BBIP1: variants seen among roughly 807,000 people sequenced by gnomAD.
The protein encoded by BBIP1 is BBSome-interacting protein 1.
Under a neutral mutation model 8.9 loss-of-function variants are expected in BBIP1, and 6 were observed. That is an observed-to-expected ratio of 0.67 (90% CI 0.37 to 1.33). The LOEUF is 1.33. BBIP1 is among the 40% of genes most tolerant of loss of function. BBIP1 has a pLI of 0.02. For synonymous variants in BBIP1, 32 were observed against 33.4 expected (o/e 0.96, Z 0.14); for missense variants, 111 against 109.2 (o/e 1.02, Z -0.07).
rs760064445 is a variant in BBIP1, at chr10:110,907,683, G to A, written c.38-6071C>T. On this transcript the variant is annotated intron_variant, in intron 2 of 3. Transcript: ENST00000448814. ...CTGAAAAGTGATTGTTCTTAACCTC[G>A]CTTGCTTGTATACCCCTCCGATTGT... 16 of 680,878 alleles carry A rather than the reference G, an allele frequency of 2.3e-5. No individual in the cohort carries two copies. The highest frequency in any genetic ancestry group is 4.5e-5 in the Admixed American group (2 of 44,462). 42.2% of individuals were successfully genotyped at this position (680,878 alleles called of 1,614,324 possible).
intron 2 of BBIP1, chr10:110,911,989 G>A (rs1564693768): frequency 6.6e-6 from 1 of 152,140 alleles, no homozygotes; most frequent in Non-Finnish European, 1.5e-5. Flanking sequence ...CCTTACAAAG[G>A]AGGGTGAAAA....
rs1590753022 is a variant in BBIP1 at position 110,907,919 on chromosome 10, C to G, written c.38-6307G>C. 1.3e-5 allele frequency: 8 copies of G among 594,704 alleles called. No individual in the cohort carries two copies. The East Asian group carries it at 2.3e-4, about 17-fold the overall frequency. 36.8% of individuals were successfully genotyped at this position (594,704 alleles called of 1,614,324 possible). ...ATATGCTAAAGTATGTGATACATTT[C>G]AAACAGGGGAGTTGAGTATATATTG... On this transcript the variant is annotated intron_variant, in intron 2 of 3. Coordinates refer to ENST00000448814, the MANE Select transcript of BBIP1 (RefSeq NM_001195305.3).
At chr10:110,907,831 G>C in intron 2 of BBIP1, 1 of 683,302 alleles carries the variant, frequency 1.5e-6, no homozygotes, top group South Asian at 1.6e-5. Context: ...TTAAATTTGA[G>C]AAGCCCTGGG....
At chr10:110,903,800 C>T (rs151219424) in intron 2 of BBIP1, 3 of 152,224 alleles carry the variant, frequency 2.0e-5, no homozygotes, top group Admixed American at 6.5e-5. Flanking sequence ...GTGTACTGGG[C>T]CTAGGCTATA....
chr10:110,917,804 A>C (rs540732569), intron 2 of BBIP1, among the ~76,000 whole-genome samples: 12 of 140,664 alleles, frequency 8.5e-5, no homozygotes, highest in African/African-American at 3.2e-4. Context: ...CAGACATGGT[A>C]GTGAAGCTAA....
At position 110,899,331 on chromosome 10, in the gene BBIP1, A is replaced by C. The variant is rs1325145977; in HGVS notation, c.*1029T>G. ...AAAACCAAGTTTAGTGTTCATATTT[A>C]CCTCATGGGCTTTATCAAGCCCATA... On this transcript the variant is annotated 3_prime_UTR_variant, in exon 4 of 4. Coordinates refer to ENST00000448814, the MANE Select transcript of BBIP1 (RefSeq NM_001195305.3). 6.6e-6 allele frequency: 1 copy of C among 152,212 alleles called. No individual in the cohort carries two copies. The highest frequency in any genetic ancestry group is 1.5e-5 in the Non-Finnish European group (1 of 68,042). 9.4% of individuals were successfully genotyped at this position (152,212 alleles called of 1,614,324 possible). A position where few individuals can be genotyped will look rare whatever the true frequency, so the allele number is the denominator to read the frequency against.
At chr10:110,918,078 C>T in intron 2 of BBIP1, 43 bp downstream of exon 2, 1 of 1,507,728 alleles carries the variant, frequency 6.6e-7, no homozygotes, top group East Asian at 2.5e-5. Flanking sequence ...AGGTTTGCAT[C>T]TGTATTGTTG....
At chr10:110,914,255 G>A (rs1395488177) in intron 2 of BBIP1, among the ~76,000 whole-genome samples, 2 of 152,000 alleles carry the variant, frequency 1.3e-5, no homozygotes, top group Admixed American at 6.6e-5. Flanking sequence ...GATACTTTAT[G>A]TAAAGAGTAT....
At chr10:110,905,378 T>C (rs758124509) in intron 2 of BBIP1, among the ~76,000 whole-genome samples, 2 of 152,130 alleles carry the variant, frequency 1.3e-5, no homozygotes, top group Non-Finnish European at 1.5e-5. Flanking sequence ...CTGGCTAACA[T>C]GGTGAAACCC....
chr10:110,899,380 C>G lies in BBIP1; in HGVS notation c.*980G>C, dbSNP rs973935747. On this transcript the variant is annotated 3_prime_UTR_variant, in exon 4 of 4. Coordinates refer to ENST00000448814, the MANE Select transcript of BBIP1 (RefSeq NM_001195305.3). ...TATTACCTCAGCTTATATATAGTTA[C>G]CATTTTTAGGTTTTTAATTGTTTGA... 7 of 152,126 alleles carry G rather than the reference C, an allele frequency of 4.6e-5. No individual in the cohort carries two copies. Among genetic ancestry groups the G allele is most frequent in the African/African-American group, 1.2e-4 (5 of 41,426 alleles). The allele number at this position is 152,126 out of a possible 1,614,324, so 9.4% of individuals were successfully genotyped here.
At chr10:110,901,220 C>T (rs939013338) in intron 3 of BBIP1, 69 of 405,824 alleles carry the variant, frequency 1.7e-4, no homozygotes, top group Middle Eastern at 1.5e-3. Flanking sequence ...TTCAAGGCTG[C>T]GGTGAGCTAC....
At chr10:110,912,623 T>C (rs1846305549) in intron 2 of BBIP1, among the ~76,000 whole-genome samples, 1 of 152,148 alleles carries the variant, frequency 6.6e-6, no homozygotes, top group African/African-American at 2.4e-5. Context: ...ATCAGAAACA[T>C]CAAAATGAAA....
chr10:110,911,441 G>C (rs779901497), intron 2 of BBIP1: 1 of 151,846 alleles, frequency 6.6e-6, no homozygotes, highest in Non-Finnish European at 1.5e-5. Context: ...AATAACAATA[G>C]CAACACAGTG....
rs1316362899 is a variant in BBIP1, at chr10:110,904,051, CCTG to C, written c.38-2442_38-2440del. ...GACAGTATTTCCTTCTCCCACACGG[CCTG>C]CTAATAGCCAGACATGGGTGATTTG... is the stretch of plus-strand genomic sequence containing the variant. On this transcript the variant is annotated intron_variant, in intron 2 of 3. Coordinates refer to ENST00000448814, the MANE Select transcript of BBIP1 (RefSeq NM_001195305.3). The C allele has an allele frequency of 3.3e-5, 5 of 152,324 alleles. No homozygotes were observed. The South Asian group carries it at 1.0e-3, about 32-fold the overall frequency. 9.4% of individuals were successfully genotyped at this position (152,324 alleles called of 1,614,324 possible). A position where few individuals can be genotyped will look rare whatever the true frequency, so the allele number is the denominator to read the frequency against.
At chr10:110,901,428 C>T (rs1043507591) in intron 3 of BBIP1, 110 bp downstream of exon 3, 37 of 740,182 alleles carry the variant, frequency 5.0e-5, no homozygotes, top group Middle Eastern at 2.3e-4. Context: ...TGAGATAATA[C>T]GGAACACAAT....
chr10:110,908,709 T>G (rs1280915786), intron 2 of BBIP1, among the ~76,000 whole-genome samples: 2 of 151,282 alleles, frequency 1.3e-5, no homozygotes, highest in Non-Finnish European at 2.9e-5. Context: ...GAACTTTAGG[T>G]GCAGGTAACA....
intron 2 of BBIP1, chr10:110,906,467 T>C (rs1273262274): frequency 6.6e-6 from 1 of 152,268 alleles, no homozygotes; most frequent in Non-Finnish European, 1.5e-5. Context: ...ATAAAAGTTA[T>C]TGGCCATATA....
At chr10:110,915,576 T>C (rs1354077778) in intron 2 of BBIP1, among the ~76,000 whole-genome samples, 1 of 152,208 alleles carries the variant, frequency 6.6e-6, no homozygotes, top group Non-Finnish European at 1.5e-5. Context: ...CCTAACTGGA[T>C]TGCTTTAGAA....
chr10:110,900,406 C>T lies in BBIP1; in HGVS notation c.233G>A (p.Arg78His), dbSNP rs532149239. The part of the protein sequence containing the change: ...KMHQAAQNTI[R>H]QQEMAEKDQR... ...ATCCTTTTCTGCCATTTCTTGTTGG[C>T]GAATTGTATTCTGTGCTGCTTGATG... The change falls in exon 4 of 4, where the codon CGC becomes CAC. Residue 78 changes from arginine (R) to histidine (H), a missense_variant. Physicochemically the swap from Arg to His is conservative, Grantham distance 29. Transcript: ENST00000448814. 8.9e-5 allele frequency: 136 copies of T among 1,535,362 alleles called. No individual in the cohort carries two copies. Among genetic ancestry groups the T allele is most frequent in the Middle Eastern group, 1.7e-4 (1 of 5,754 alleles).
Sources: gnomAD v4.1 joint callset for allele counts (sites outside exome capture counted in the v4.1 genomes callset) on GRCh38, gnomAD v4.1.1 for gene constraint, MANE v1.5 for transcripts, NCBI Gene and HGNC (gene_info 2026-07-23, HGNC 2026-07-21) for gene names.